The following APOL1 variants were observed in gnomAD, a reference collection of about 807,000 sequenced individuals.
The protein encoded by APOL1 is apolipoprotein L 1.
A neutral mutation model predicts 14.9 loss-of-function variants in APOL1; 17 were observed. The ratio of observed to expected loss-of-function variants is 1.14; its 90% CI spans 0.78 to 1.71. The LOEUF (loss-of-function observed/expected upper bound fraction) is 1.71. Ranked by LOEUF, APOL1 falls within the 40% of genes most tolerant of loss-of-function variation. The pLI is 0.00. For synonymous variants in APOL1, 195 were observed against 184.8 expected (o/e 1.05, Z -0.45); for missense variants, 523 against 485.9 (o/e 1.08, Z -0.72).
At chr22:36,254,205 C>T (rs1426573274) in intron 1 of APOL1, among the ~76,000 whole-genome samples, 1 of 152,124 alleles carries the variant, frequency 6.6e-6, no homozygotes, top group Non-Finnish European at 1.5e-5. Flanking sequence ...TGTAAAAAAC[C>T]TGATAGAGCT....
chr22:36,253,303 G>A (rs556161763), intron 1 of APOL1, 84 bp downstream of exon 1: 136 of 281,044 alleles, frequency 4.8e-4, no homozygotes, highest in African/African-American at 3.0e-3. Flanking sequence ...GACTGGTTCA[G>A]ATAGACAGGA....
At chr22:36,259,474 C>A (rs1238936604) in intron 4 of APOL1, among the ~76,000 whole-genome samples, 1 of 152,162 alleles carries the variant, frequency 6.6e-6, no homozygotes, top group African/African-American at 2.4e-5. Flanking sequence ...CCACGGCAAC[C>A]AAGTCAGCTC....
chr22:36,256,295 C>A (rs1351399187), intron 2 of APOL1, among the ~76,000 whole-genome samples: 1 of 152,196 alleles, frequency 6.6e-6, no homozygotes, highest in African/African-American at 2.4e-5. Flanking sequence ...TGCAGTGTGG[C>A]TCTAGGTATA....
At chr22:36,256,679 T>C (rs970179698) in intron 2 of APOL1, among the ~76,000 whole-genome samples, 2 of 152,216 alleles carry the variant, frequency 1.3e-5, no homozygotes, top group Admixed American at 6.5e-5. Flanking sequence ...TGAGGAGTCA[T>C]TTACCATGAG....
chr22:36,259,075 C>T (rs932775878), intron 4 of APOL1, among the ~76,000 whole-genome samples: 8 of 152,194 alleles, frequency 5.3e-5, no homozygotes, highest in Admixed American at 5.2e-4. Flanking sequence ...GTATCCACAT[C>T]TCAGCATGGC....
chr22:36,253,250 C>T (rs1274048787), intron 1 of APOL1, 31 bp downstream of exon 1: 1 of 391,064 alleles, frequency 2.6e-6, no homozygotes, highest in Non-Finnish European at 5.1e-6. Context: ...CTGCCTCCAT[C>T]TTATTCTCAC....
At chr22:36,260,059 G>A (rs753367102) in intron 4 of APOL1, 10 of 699,886 alleles carry the variant, frequency 1.4e-5, no homozygotes, top group South Asian at 4.2e-5. Context: ...GGTTTTGGGC[G>A]GTGACTCTCG....
chr22:36,265,874 G>A lies in APOL1; in HGVS notation c.1038G>A (p.Val346=). The A allele has an allele frequency of 1.9e-6, 3 of 1,614,188 alleles. No homozygotes were observed. The highest frequency in any genetic ancestry group is 2.5e-6 in the Non-Finnish European group (3 of 1,180,040). The change falls in exon 6 of 6, where the codon GTG becomes GTA. Residue 346 remains valine (V), a synonymous_variant. Coordinates refer to ENST00000397278, the MANE Select transcript of APOL1 (RefSeq NM_003661.4). ...TDVAPVSFFL[V]LDVVYLVYES... is the part of the protein sequence containing the mutation. ...TGGCCCCTGTAAGCTTCTTTCTTGTGCTGGATGTAGTCTACCTCGTGTACG... is the reference window on the plus strand; with the variant it reads ...TGGCCCCTGTAAGCTTCTTTCTTGTACTGGATGTAGTCTACCTCGTGTACG...
chr22:36,266,097 T>A lies in APOL1; in HGVS notation c.*64T>A. On this transcript the variant is annotated 3_prime_UTR_variant, in exon 6 of 6. Transcript: ENST00000397278. ...CAGGGGCCAGGACAAAATGCAAACT[T>A]TTTTTTTTTTCTGAGACAGAGTCTT... 5 of 1,450,678 alleles carry A rather than the reference T, an allele frequency of 3.4e-6. No homozygotes were observed. Among genetic ancestry groups the A allele is most frequent in the Middle Eastern group, 2.0e-4 (1 of 4,984 alleles). The allele number at this position is 1,450,678 out of a possible 1,614,324, so 89.9% of individuals were successfully genotyped here. A position where few individuals can be genotyped will look rare whatever the true frequency, so the allele number is the denominator to read the frequency against.
intron 4 of APOL1, among the ~76,000 whole-genome samples, chr22:36,257,823 C>T (rs2015940908): frequency 1.3e-5 from 2 of 152,144 alleles, no homozygotes; most frequent in African/African-American, 2.4e-5. Context: ...GTGTTTCCAC[C>T]TGAGGCTGGT....
chr22:36,255,054 A>C (rs565674111), intron 2 of APOL1, 55 bp downstream of exon 2: 2 of 1,570,550 alleles, frequency 1.3e-6, no homozygotes, highest in Non-Finnish European at 1.8e-6. Flanking sequence ...TCTGGGCTGC[A>C]CAATTGGACT....
chr22:36,256,819 A>C (rs1911222822), intron 2 of APOL1, among the ~76,000 whole-genome samples: 1 of 152,196 alleles, frequency 6.6e-6, no homozygotes, highest in South Asian at 2.1e-4. Context: ...ACTTTTGTGG[A>C]TTCCTCTGTG....
chr22:36,261,749 G>A (rs1219356454), intron 5 of APOL1, 27 bp downstream of exon 5: 1 of 1,601,444 alleles, frequency 6.2e-7, no homozygotes, highest in Non-Finnish European at 8.5e-7. Flanking sequence ...TACCTCCATT[G>A]GGCACTCCGG....
intron 1 of APOL1, chr22:36,253,998 A>G (rs372488241): frequency 1.2e-6 from 2 of 1,614,036 alleles, no homozygotes; most frequent in African/African-American, 2.7e-5. Flanking sequence ...AATTGTGAGT[A>G]TAACTACAGG....
rs370171331 is a variant in APOL1 at position 36,257,049 on chromosome 22, G to A, written c.45-34G>A. The A allele has an allele frequency of 1.4e-4, 231 of 1,612,194 alleles. 1 individual carries two copies. The African/African-American group carries it at 1.8e-3, about 13-fold the overall frequency. On this transcript the variant is annotated intron_variant, in intron 2 of 5. Coordinates refer to ENST00000397278, the MANE Select transcript of APOL1 (RefSeq NM_003661.4). ...TTCTGTAATGATCAGATGGCTGCCC[G>A]TCCTCTGATTATCTTCTCCTCATAC...
chr22:36,259,404 A>G (rs2016002024), intron 4 of APOL1, among the ~76,000 whole-genome samples: 1 of 152,170 alleles, frequency 6.6e-6, no homozygotes, highest in South Asian at 2.1e-4. Context: ...CCAAGTCAGC[A>G]TTGCGTTCAT....
rs2016074560 is a variant in APOL1 at position 36,261,605 on chromosome 22, T to C, written c.197T>C (p.Ile66Thr). The C allele has an allele frequency of 6.2e-7, 1 of 1,613,404 alleles. No homozygotes were observed. The highest frequency in any genetic ancestry group is 2.2e-5 in the East Asian group (1 of 44,874). ...TCTTCTTTCCAACTAGAGAGCAGTA[T>C]CTTTATTGAGGATGCCATTAAGTAT... is the stretch of plus-strand genomic sequence containing the variant. ...AAGTMDPESS[I>T]FIEDAIKYFK... is the part of the protein sequence containing the mutation. The change falls in exon 5 of 6, where the codon ATC becomes ACC. Residue 66 changes from isoleucine (I) to threonine (T), a missense_variant. By Grantham distance (89) the Ile-to-Thr change is moderately conservative. Transcript: ENST00000397278.
At chr22:36,254,754 T>G in intron 1 of APOL1, 183 bp from the exon 2 acceptor site, 1 of 636,408 alleles carries the variant, frequency 1.6e-6, no homozygotes, top group South Asian at 1.8e-5. Context: ...TCCCAGCTAC[T>G]CGGGAGGCTG....
chr22:36,253,472 G>A (rs1026664251), intron 1 of APOL1, among the ~76,000 whole-genome samples: 1 of 152,192 alleles, frequency 6.6e-6, no homozygotes, highest in African/African-American at 2.4e-5. Context: ...ACACGACTGA[G>A]TGAACCCAGA....
Sources: gnomAD v4.1 joint callset for allele counts (sites outside exome capture counted in the v4.1 genomes callset) on GRCh38, gnomAD v4.1.1 for gene constraint, MANE v1.5 for transcripts, NCBI Gene and HGNC (gene_info 2026-07-23, HGNC 2026-07-21) for gene names.